Variants in GOLGB1 observed in about 807,000 individuals in gnomAD.
GOLGB1 encodes the protein golgin subfamily B member 1.
A neutral mutation model predicts 336.9 loss-of-function variants in GOLGB1; 174 were observed. The observed-to-expected ratio is 0.52, with a 90% CI of 0.46 to 0.59. The LOEUF is 0.59. Among genes scored for constraint, GOLGB1 ranks in the 20% least tolerant of loss-of-function variants. GOLGB1 has a pLI of 0.00. For missense variants in GOLGB1, 3,331 were observed against 3,645.3 expected (o/e 0.91, Z 2.22); for synonymous variants, 1,208 against 1,289.2 (o/e 0.94, Z 1.35).
Position 121,669,241 on chromosome 3 carries a change from AGACTG to A in GOLGB1, c.9287_9291del (p.Ala3096ValfsTer33). 6.2e-7 allele frequency: 1 copy of A among 1,614,072 alleles called. No individual in the cohort carries two copies. The highest frequency in any genetic ancestry group is 8.5e-7 in the Non-Finnish European group (1 of 1,179,980). ...TGCAGCTCTTGAACCTGCTTCTCCA[AGACTG>A]CACAGTGATTTAAAAGGTCACCATA... is the stretch of plus-strand genomic sequence containing the variant. On this transcript the variant is annotated frameshift_variant, in exon 18 of 22. Transcript: ENST00000614479. LOFTEE classifies it high-confidence loss of function.
At chr3:121,701,999 T>C (rs970518131) in intron 11 of GOLGB1, among the ~76,000 whole-genome samples, 1 of 152,052 alleles carries the variant, frequency 6.6e-6, no homozygotes, top group African/African-American at 2.4e-5. Flanking sequence ...TGAGTAACAA[T>C]CATCCAGACT....
intron 14 of GOLGB1, among the ~76,000 whole-genome samples, chr3:121,689,289 C>T (rs994877462): frequency 3.3e-5 from 5 of 152,234 alleles, no homozygotes; most frequent in African/African-American, 1.2e-4. Flanking sequence ...GGAAACTTTT[C>T]ATTTTGTTCT....
At chr3:121,675,996 C>T (rs1399634110) in intron 17 of GOLGB1, among the ~76,000 whole-genome samples, 1 of 152,160 alleles carries the variant, frequency 6.6e-6, no homozygotes, top group African/African-American at 2.4e-5. Flanking sequence ...AAGGGGAACT[C>T]CATGGGAGCT....
At chr3:121,686,430 C>T (rs184219830) in intron 14 of GOLGB1, among the ~76,000 whole-genome samples, 28 of 152,250 alleles carry the variant, frequency 1.8e-4, no homozygotes, top group African/African-American at 6.5e-4. Context: ...TCTTTTTCTC[C>T]TCCTTCTCAG....
At chr3:121,684,407 T>C (rs1215843560) in intron 14 of GOLGB1, among the ~76,000 whole-genome samples, 1 of 151,796 alleles carries the variant, frequency 6.6e-6, no homozygotes, top group African/African-American at 2.4e-5. Context: ...AATAATTTAA[T>C]GAAATTTCCA....
At chr3:121,670,803 A>C (rs1939431120) in intron 17 of GOLGB1, among the ~76,000 whole-genome samples, 1 of 151,756 alleles carries the variant, frequency 6.6e-6, no homozygotes, top group African/African-American at 2.4e-5. Context: ...AAAGGATATA[A>C]ATATTTGGGA....
intron 1 of GOLGB1, among the ~76,000 whole-genome samples, chr3:121,747,543 C>T (rs1947453923): frequency 1.3e-5 from 2 of 150,838 alleles, no homozygotes; most frequent in African/African-American, 4.9e-5. Context: ...TATATTTTTA[C>T]AAAGGACTGC....
At chr3:121,727,320 A>AT (rs869189384) in intron 4 of GOLGB1, among the ~76,000 whole-genome samples, 23 of 28,636 alleles carry the variant, frequency 8.0e-4, no homozygotes, top group South Asian at 4.3e-3. Flanking sequence ...ATATATATAT[A>AT]TTTTTTTTTT....
Position 121,697,335 on chromosome 3 carries a change from A to T in GOLGB1, c.3188T>A (p.Ile1063Lys). 4.3e-6 allele frequency: 7 copies of T among 1,613,494 alleles called. No homozygotes were observed. Among genetic ancestry groups the T allele is most frequent in the Non-Finnish European group, 5.9e-6 (7 of 1,179,744 alleles). Residue 1063 changes from isoleucine to lysine, a missense_variant, in exon 13 of 22, where the codon ATA becomes AAA. Coordinates refer to ENST00000614479, the MANE Select transcript of GOLGB1 (RefSeq NM_001366282.2). The part of the protein sequence containing the change: ...EKCVTSKCQE[I>K]EIYLKQTISE... ...TATTGTCTGTTTTAAATAAATTTCT[A>T]TTTCTTGGCACTTAGAAGTCACACA...
intron 1 of GOLGB1, among the ~76,000 whole-genome samples, chr3:121,746,163 A>G (rs1947271698): frequency 1.3e-5 from 2 of 152,326 alleles, no homozygotes; most frequent in South Asian, 4.1e-4. Context: ...AACTTATTTC[A>G]TGCTTATTTA....
At chr3:121,676,858 A>G in intron 17 of GOLGB1, 35 bp downstream of exon 17, 3 of 1,600,130 alleles carry the variant, frequency 1.9e-6, no homozygotes, top group East Asian at 2.2e-5. Context: ...CATGGAAAAA[A>G]GAAACTGAAT....
At chr3:121,725,322 C>T (rs1306539545) in intron 5 of GOLGB1, among the ~76,000 whole-genome samples, 1 of 152,188 alleles carries the variant, frequency 6.6e-6, no homozygotes. Flanking sequence ...GGGGACCCAA[C>T]CCCTGTACCG....
chr3:121,703,452 G>A (rs1943567122), intron 10 of GOLGB1, among the ~76,000 whole-genome samples: 2 of 152,210 alleles, frequency 1.3e-5, no homozygotes, highest in Non-Finnish European at 2.9e-5. Context: ...CTGCCAGGAT[G>A]TGAGGAGGGA....
intron 4 of GOLGB1, among the ~76,000 whole-genome samples, chr3:121,727,318 A>G: frequency 3.0e-5 from 1 of 33,476 alleles, no homozygotes; most frequent in Middle Eastern, 0.019. Flanking sequence ...ATATATATAT[A>G]TATTTTTTTT....
chr3:121,714,121 C>G (rs936165872), intron 10 of GOLGB1, among the ~76,000 whole-genome samples: 1 of 152,138 alleles, frequency 6.6e-6, no homozygotes, highest in Non-Finnish European at 1.5e-5. Flanking sequence ...ATGCTAGAAA[C>G]CAAGAGGCAA....
chr3:121,699,005 G>T, intron 12 of GOLGB1, 76 bp from the exon 13 acceptor site: 1 of 1,100,782 alleles, frequency 9.1e-7, no homozygotes, highest in Non-Finnish European at 1.3e-6. Flanking sequence ...CTAAAAACTT[G>T]TATTTCATCT....
chr3:121,664,455 G>C lies in GOLGB1; in HGVS notation c.*25C>G. The C allele has an allele frequency of 6.2e-7, 1 of 1,601,868 alleles. No individual in the cohort carries two copies. Among genetic ancestry groups the C allele is most frequent in the South Asian group, 1.1e-5 (1 of 90,866 alleles). ...GAGAGAATTCCAAGTTTTGAGGGGA[G>C]TGGTCCAAAGAGTAACAACTAAGTC... On this transcript the variant is annotated 3_prime_UTR_variant, in exon 22 of 22. Transcript: ENST00000614479.
chr3:121,683,227 C>T (rs1022767704), intron 14 of GOLGB1, among the ~76,000 whole-genome samples: 1 of 151,456 alleles, frequency 6.6e-6, no homozygotes, highest in Non-Finnish European at 1.5e-5. Flanking sequence ...TTATAGGTAC[C>T]CTCTTCAGCT....
In GOLGB1 at chr3:121,695,820, T is replaced by C. The variant is rs557958522; in HGVS notation, c.4703A>G (p.Gln1568Arg). 5.0e-6 allele frequency: 8 copies of C among 1,614,070 alleles called. No homozygotes were observed. The African/African-American group carries it at 1.1e-4, about 22-fold the overall frequency. The change falls in exon 13 of 22, where the codon CAG becomes CGG. Residue 1568 changes from glutamine to arginine, a missense_variant. Transcript: ENST00000614479. The part of the protein sequence containing the change: ...TEMDRSLLEN[Q>R]SLSSSCESLK... ...ACTTTCACAGGAGCTGCTGAGACTC[T>C]GATTTTCCAATAAAGACCTGTCCAT...
Sources: gnomAD v4.1 joint callset for allele counts (sites outside exome capture counted in the v4.1 genomes callset) on GRCh38, gnomAD v4.1.1 for gene constraint, MANE v1.5 for transcripts, NCBI Gene and HGNC (gene_info 2026-07-23, HGNC 2026-07-21) for gene names.